RGL2: variants seen among roughly 807,000 people sequenced by gnomAD.
The protein encoded by RGL2 is ral guanine nucleotide dissociation stimulator like 2.
RGL2 carries 40 observed loss-of-function variants against 84.6 expected under a neutral mutation model. That is an observed-to-expected ratio of 0.47 (90% confidence interval 0.37 to 0.62). The LOEUF is 0.62. RGL2 is among the 20% of genes least tolerant of loss of function. The probability of loss-of-function intolerance (pLI) is 0.00; values close to 1 mark genes in which losing one functional copy is unlikely to be tolerated. For missense variants in RGL2, 865 were observed against 1,019.7 expected, an observed-to-expected ratio of 0.85 and a Z score of 2.07; for synonymous variants, 369 against 417.3, an observed-to-expected ratio of 0.88 and a Z score of 1.41.
rs1767701691 is a variant in RGL2, at chr6:33,294,106, A to G, written c.1354-40T>C. 1 of 1,595,116 alleles carries G rather than the reference A, an allele frequency of 6.3e-7. No individual in the cohort carries two copies. The highest frequency in any genetic ancestry group is 8.6e-7 in the Non-Finnish European group (1 of 1,169,026). ...GGGATGGGGTGAAAGTTCCAACCCT[A>G]CCTTCCGGCCACAGAGAGAGAATAT... On this transcript the variant is annotated intron_variant, in intron 11 of 17. Coordinates refer to ENST00000497454, the MANE Select transcript of RGL2 (RefSeq NM_004761.5). The surrounding 1 kb of genome is among the most constrained non-coding windows in gnomAD (Gnocchi z 5.0).
At position 33,294,745 on chromosome 6, in the gene RGL2, A is replaced by T. The variant is rs1325260010; in HGVS notation, c.1296T>A (p.Leu432=). The T allele has an allele frequency of 6.2e-7, 1 of 1,614,022 alleles. No individual in the cohort carries two copies. ...TCACAAGGTCCTTCAGGAAGGTGCC[A>T]AGGTATGGGACCACACCCTGAAGTC... ...GSRGGGVVPY[L]GTFLKDLVML... The change falls in exon 11 of 18, where the codon CTT becomes CTA. Residue 432 remains leucine (L), a synonymous_variant. Coordinates refer to ENST00000497454, the MANE Select transcript of RGL2 (RefSeq NM_004761.5). This position sits in a 1 kb window ranked among gnomAD's most constrained non-coding sequence, Gnocchi z 5.0.
rs978656220 is a variant in RGL2, at chr6:33,295,359, G to T, written c.1084C>A (p.Pro362Thr). ...CAGGCTGCCCGAAGCCTGTGGATGG[G>T]GCTGGACTGCAGGGCTGACACCACG... ...YAVVSALQSS[P>T]IHRLRAAWGE... The change falls in exon 8 of 18, where the codon CCC (proline) becomes ACC (threonine). Residue 362 changes from proline to threonine, a missense_variant. Around this residue, in one of 5 missense-constraint regions of RGL2, gnomAD observed 455 missense variants for 507.8 expected, o/e 0.90. Coordinates refer to ENST00000497454, the MANE Select transcript of RGL2 (RefSeq NM_004761.5). This position sits in a 1 kb window ranked among gnomAD's most constrained non-coding sequence, Gnocchi z 7.2. 6 of 1,599,564 alleles carry T rather than the reference G, an allele frequency of 3.8e-6. No homozygotes were observed. The African/African-American group carries it at 8.0e-5, about 21-fold the overall frequency.
chr6:33,296,052 G>A lies in RGL2; in HGVS notation c.744C>T (p.Ala248=), dbSNP rs1767914510. The A allele has an allele frequency of 6.8e-6, 11 of 1,614,008 alleles. No individual in the cohort carries two copies. Among genetic ancestry groups the A allele is most frequent in the Admixed American group, 1.7e-5 (1 of 59,996 alleles). ...CCGCATCTAGCAGGGTCAGCTGTTC[G>A]GCCAAGTGGTCAGCGAGGAACACCA... is the stretch of plus-strand genomic sequence containing the variant. The part of the protein sequence containing the change: ...DVLVFLADHL[A]EQLTLLDAEL... The change falls in exon 6 of 18, where the codon GCC becomes GCT. Residue 248 remains alanine (A), a synonymous_variant. Transcript: ENST00000497454. The surrounding 1 kb of genome is among the most constrained non-coding windows in gnomAD (Gnocchi z 5.0).
Position 33,296,056 on chromosome 6 carries a change from A to C in RGL2, c.740T>G (p.Leu247Trp), listed in dbSNP as rs1397319182. The change falls in exon 6 of 18, where the codon TTG (leucine) becomes TGG (tryptophan). Residue 247 changes from leucine (L) to tryptophan (W), a missense_variant. This residue lies in a region of RGL2 where 455 missense variants were observed against 507.8 expected (regional missense o/e 0.90). Transcript: ENST00000497454. This position sits in a 1 kb window ranked among gnomAD's most constrained non-coding sequence, Gnocchi z 5.0. ...TDVLVFLADH[L>W]AEQLTLLDAE... The stretch of plus-strand genomic sequence containing the variant: ...ATCTAGCAGGGTCAGCTGTTCGGCC[A>C]AGTGGTCAGCGAGGAACACCAGGAC... The C allele has an allele frequency of 1.2e-6, 2 of 1,613,932 alleles. No homozygotes were observed. The highest frequency in any genetic ancestry group is 2.7e-5 in the African/African-American group (2 of 74,860).
rs1768116747 is a variant in RGL2 at position 33,297,680 on chromosome 6, G to GA, written c.157-566dup. 6.5e-6 allele frequency: 1 copy of GA among 152,788 alleles called. No homozygotes were observed. Among genetic ancestry groups the GA allele is most frequent in the Admixed American group, 6.5e-5 (1 of 15,300 alleles). The allele number at this position is 152,788 out of a possible 1,614,324, so 9.5% of individuals were successfully genotyped here. On this transcript the variant is annotated intron_variant, in intron 2 of 17. Coordinates refer to ENST00000497454, the MANE Select transcript of RGL2 (RefSeq NM_004761.5). The surrounding 1 kb of genome is among the most constrained non-coding windows in gnomAD (Gnocchi z 4.0). ...GCAGCTCCAATCCCAGTACAGGAAG[G>GA]AAAAGGGGAAGTGGGATGATAGGGG...
upstream of RGL2, chr6:33,299,559 C>T (rs1005338815): frequency 6.6e-6 from 1 of 152,138 alleles, no homozygotes; most frequent in Non-Finnish European, 1.5e-5. The surrounding 1 kb of genome is among the most constrained non-coding windows in gnomAD (Gnocchi z 5.0). Context: ...TTGAGCGCAT[C>T]TCATGCGCCA....
chr6:33,293,196 C>G lies in RGL2; in HGVS notation c.1827G>C (p.Arg609Ser). 4 of 1,584,710 alleles carry G rather than the reference C, an allele frequency of 2.5e-6. No homozygotes were observed. The highest frequency in any genetic ancestry group is 3.4e-6 in the Non-Finnish European group (4 of 1,166,768). Reference protein sequence around the residue: ...SHLSPPASSPRPSRGHRRSAS... With the variant: ...SHLSPPASSPSPSRGHRRSAS... ...CTGAGCGGCGGTGACCTCGAGAAGG[C>G]CTAGGGGAGGAGGCTGGTGGGGAGA... is the stretch of plus-strand genomic sequence containing the variant. Residue 609 changes from arginine to serine, a missense_variant, in exon 16 of 18, where the codon AGG becomes AGC. Physicochemically the swap from Arg to Ser is moderately radical, Grantham distance 110. This residue lies in a region of RGL2 where 302 missense variants were observed against 327.9 expected (regional missense o/e 0.92). Coordinates refer to ENST00000497454, the MANE Select transcript of RGL2 (RefSeq NM_004761.5). The surrounding 1 kb of genome is among the most constrained non-coding windows in gnomAD (Gnocchi z 7.0).
Position 33,291,935 on chromosome 6 carries a change from G to C in RGL2, c.*167C>G, listed in dbSNP as rs532525594. 1.4e-6 allele frequency: 1 copy of C among 704,202 alleles called. No individual in the cohort carries two copies. The highest frequency in any genetic ancestry group is 2.4e-6 in the Non-Finnish European group (1 of 417,214). The allele number at this position is 704,202 out of a possible 1,614,324, so 43.6% of individuals were successfully genotyped here. On this transcript the variant is annotated 3_prime_UTR_variant, in exon 18 of 18. Transcript: ENST00000497454. ...GTTATAAGACACCAGTTCCCACAGG[G>C]CTGGATTTCTCAGCTGTCTGGTAAA...
rs1767499775 is a variant in RGL2 at position 33,292,423 on chromosome 6, C to T, written c.2122+7G>A. The T allele has an allele frequency of 6.2e-7, 1 of 1,613,862 alleles. No homozygotes were observed. Among genetic ancestry groups the T allele is most frequent in the Non-Finnish European group, 8.5e-7 (1 of 1,179,786 alleles). ...CCCGAGTCTGCCTTTCCCTCATGGC[C>T]TCTGACCTCGCTCCCCTGGTAGCAG... On this transcript the variant is annotated splice_region_variant and intron_variant, in intron 17 of 17. Coordinates refer to ENST00000497454, the MANE Select transcript of RGL2 (RefSeq NM_004761.5).
In RGL2 at chr6:33,296,249, C is replaced by T; in HGVS notation, c.547G>A (p.Asp183Asn). 6.2e-7 allele frequency: 1 copy of T among 1,614,024 alleles called. No individual in the cohort carries two copies. Among genetic ancestry groups the T allele is most frequent in the Non-Finnish European group, 8.5e-7 (1 of 1,179,898 alleles). The change falls in exon 6 of 18, where the codon GAC (aspartate) becomes AAC (asparagine). Residue 183 changes from aspartate to asparagine, a missense_variant. By Grantham distance (23) the Asp-to-Asn change is conservative. Coordinates refer to ENST00000497454, the MANE Select transcript of RGL2 (RefSeq NM_004761.5). The surrounding 1 kb of genome is among the most constrained non-coding windows in gnomAD (Gnocchi z 5.0). Reference protein sequence around the residue: ...DFGSEAKGQLDRLESFLLQTG... With the variant: ...DFGSEAKGQLNRLESFLLQTG... ...TGAAGTAAGAAGCTCTCAAGCCGGT[C>T]AAGCTGACCCTTGGCCTCAGAGCCA... is the stretch of plus-strand genomic sequence containing the variant.
In RGL2 at chr6:33,298,485, C is replaced by A. The variant is rs1173972560; in HGVS notation, c.126G>T (p.Gly42=). 5.9e-6 allele frequency: 9 copies of A among 1,516,756 alleles called. No individual in the cohort carries two copies. The highest frequency in any genetic ancestry group is 1.4e-5 in the African/African-American group (1 of 71,362). 94.0% of individuals were successfully genotyped at this position (1,516,756 alleles called of 1,614,324 possible). A position where few individuals can be genotyped will look rare whatever the true frequency, so the allele number is the denominator to read the frequency against. The part of the protein sequence containing the change: ...GGPGGLVVGG[G]QEEEEEEEEE... ...CTTCTTCCTCCTCCTCTTCCTCCTG[C>A]CCCCCGCCCACGACCAGGCCACCTG... Residue 42 remains glycine (G), a synonymous_variant, in exon 2 of 18, where the codon GGG becomes GGT. Transcript: ENST00000497454. This position sits in a 1 kb window ranked among gnomAD's most constrained non-coding sequence, Gnocchi z 4.8.
Position 33,293,113 on chromosome 6 carries a change from T to G in RGL2, c.1910A>C (p.Tyr637Ser). 1 of 1,613,864 alleles carries G rather than the reference T, an allele frequency of 6.2e-7. No individual in the cohort carries two copies. The highest frequency in any genetic ancestry group is 8.5e-7 in the Non-Finnish European group (1 of 1,179,912). Residue 637 changes from tyrosine to serine, a missense_variant, in exon 16 of 18, where the codon TAT becomes TCT. Tyr to Ser is a moderately radical substitution (Grantham distance 144). Transcript: ENST00000497454. This position sits in a 1 kb window ranked among gnomAD's most constrained non-coding sequence, Gnocchi z 7.0. ...GAEEASGGTG[Y>S]GGEGSGPGAS... is the part of the protein sequence containing the mutation. ...CCCTGGCCCAGATCCCTCTCCCCCA[T>G]ATCCAGTCCCCCCGGAGGCCTCTTC...
rs951339349 is a variant in RGL2 at position 33,298,942 on chromosome 6, C to A, written c.-114G>T. ...GTCGGTCTCCGGCCCCGGACCGAGTCCCCTCCCCGGCTTTTCCGTACCCCC... is the reference window on the plus strand; with the variant it reads ...GTCGGTCTCCGGCCCCGGACCGAGTACCCTCCCCGGCTTTTCCGTACCCCC... On this transcript the variant is annotated 5_prime_UTR_variant, in exon 1 of 18. Transcript: ENST00000497454. The surrounding 1 kb of genome is among the most constrained non-coding windows in gnomAD (Gnocchi z 4.8). The A allele has an allele frequency of 2.0e-4, 48 of 243,940 alleles. No homozygotes were observed. The highest frequency in any genetic ancestry group is 3.9e-4 in the Admixed American group (7 of 17,722). 15.1% of individuals were successfully genotyped at this position (243,940 alleles called of 1,614,324 possible). A position where few individuals can be genotyped will look rare whatever the true frequency, so the allele number is the denominator to read the frequency against.
Position 33,292,489 on chromosome 6 carries a change from T to C in RGL2, c.2063A>G (p.Asn688Ser), listed in dbSNP as rs1478291796. The C allele has an allele frequency of 1.2e-6, 2 of 1,614,098 alleles. No homozygotes were observed. The highest frequency in any genetic ancestry group is 1.7e-5 in the Admixed American group (1 of 60,022). The change falls in exon 17 of 18, where the codon AAT becomes AGT. Residue 688 changes from asparagine (N) to serine (S), a missense_variant. By Grantham distance (46) the Asn-to-Ser change is conservative (BLOSUM62 1). Transcript: ENST00000497454. ...SVISRVLKKN[N>S]RDSAVASEYE... ...CTCTGAAGCCACTGCAGAGTCACGA[T>C]TGTTTTTCTTAAGGACACGACTGAT...
rs973358433 is a variant in RGL2, at chr6:33,296,028, C to T, written c.768G>A (p.Ala256=). ...TAGGGGCCAGAGGTCAGGGTCTCAC[C>T]GCATCTAGCAGGGTCAGCTGTTCGG... ...HLAEQLTLLD[A]ELFLNLIPSQ... is the part of the protein sequence containing the mutation. Residue 256 remains alanine, a splice_region_variant and synonymous_variant, in exon 6 of 18, where the codon GCG becomes GCA. Transcript: ENST00000497454. The surrounding 1 kb of genome is among the most constrained non-coding windows in gnomAD (Gnocchi z 5.0). 2.5e-6 allele frequency: 4 copies of T among 1,613,654 alleles called. No individual in the cohort carries two copies. The highest frequency in any genetic ancestry group is 2.2e-5 in the East Asian group (1 of 44,880).
chr6:33,296,109 G>A lies in RGL2; in HGVS notation c.687C>T (p.Pro229=), dbSNP rs149108540. Residue 229 remains proline, a synonymous_variant, in exon 6 of 18, where the codon CCC becomes CCT. Transcript: ENST00000497454. The surrounding 1 kb of genome is among the most constrained non-coding windows in gnomAD (Gnocchi z 5.0). The part of the protein sequence containing the change: ...APDLPKPLAL[P]GDPPADPTDV... ...CCGTGGGGTCAGCAGGGGGATCGCCGGGGAGGGCCAGGGGCTTAGGAAGGT... is the reference window on the plus strand; with the variant it reads ...CCGTGGGGTCAGCAGGGGGATCGCCAGGGAGGGCCAGGGGCTTAGGAAGGT... The A allele has an allele frequency of 3.9e-5, 63 of 1,613,828 alleles. No individual in the cohort carries two copies. In the African/African-American group the frequency reaches 4.3e-4, roughly 11 times the overall value.
In RGL2 at chr6:33,293,147, C is replaced by G. The variant is rs777981407; in HGVS notation, c.1876G>C (p.Gly626Arg). The change falls in exon 16 of 18, where the codon GGG becomes CGG. Residue 626 changes from glycine to arginine, a missense_variant. By Grantham distance (125) the Gly-to-Arg change is moderately radical (BLOSUM62 -2). Coordinates refer to ENST00000497454, the MANE Select transcript of RGL2 (RefSeq NM_004761.5). The surrounding 1 kb of genome is among the most constrained non-coding windows in gnomAD (Gnocchi z 7.0). ...CCCCCGGAGGCCTCTTCTGCACCCC[C>G]ACTCAGCGGGGAGCCACAGGAGGCT... ...RSASCGSPLSGGAEEASGGTG... is the reference protein window; with the variant it reads ...RSASCGSPLSRGAEEASGGTG... 96 of 1,611,104 alleles carry G rather than the reference C, an allele frequency of 6.0e-5. No individual in the cohort carries two copies. The highest frequency in any genetic ancestry group is 8.0e-5 in the Non-Finnish European group (94 of 1,178,670).
At position 33,298,346 on chromosome 6, in the gene RGL2, G is replaced by A. The variant is rs1006169958; in HGVS notation, c.156+109C>T. ...GAAACGGGCCGACACCCAGGGAGGC[G>A]CGAGAATAACTGAGGCAAGGAGGAG... On this transcript the variant is annotated intron_variant, in intron 2 of 17. Coordinates refer to ENST00000497454, the MANE Select transcript of RGL2 (RefSeq NM_004761.5). This position sits in a 1 kb window ranked among gnomAD's most constrained non-coding sequence, Gnocchi z 4.8. 8.0e-6 allele frequency: 5 copies of A among 624,744 alleles called. No homozygotes were observed. Among genetic ancestry groups the A allele is most frequent in the African/African-American group, 5.9e-5 (3 of 50,972 alleles). The allele number at this position is 624,744 out of a possible 1,614,324, so 38.7% of individuals were successfully genotyped here. A position where few individuals can be genotyped will look rare whatever the true frequency, so the allele number is the denominator to read the frequency against.
chr6:33,298,419 A>C lies in RGL2; in HGVS notation c.156+36T>G. The C allele has an allele frequency of 8.5e-7, 1 of 1,182,884 alleles. No individual in the cohort carries two copies. The highest frequency in any genetic ancestry group is 1.2e-6 in the Non-Finnish European group (1 of 835,408). 73.3% of individuals were successfully genotyped at this position (1,182,884 alleles called of 1,614,324 possible). On this transcript the variant is annotated intron_variant, in intron 2 of 17. Coordinates refer to ENST00000497454, the MANE Select transcript of RGL2 (RefSeq NM_004761.5). The surrounding 1 kb of genome is among the most constrained non-coding windows in gnomAD (Gnocchi z 4.8). ...AGAGAAAAGTGGAGACTTCAGAAAT[A>C]CATACGCCCCCTACCTCCCACCACC...
Sources: allele counts gnomAD v4.1 joint callset, GRCh38; gene constraint gnomAD v4.1.1; regional missense constraint gnomAD v4.1.1; non-coding constraint Gnocchi (gnomAD v3.1); transcripts MANE v1.5; gene names NCBI Gene and HGNC (gene_info 2026-07-23, HGNC 2026-07-21).